The following ASTN2 variants were observed in gnomAD, a reference collection of about 807,000 sequenced individuals.
ASTN2 encodes astrotactin 2, also known as astrotactin-2.
In ASTN2, 54 loss-of-function variants were observed where a neutral mutation model predicts 139.8. That is an observed-to-expected ratio of 0.39 (90% confidence interval 0.31 to 0.48). ASTN2 has a LOEUF of 0.48. Ranked by LOEUF, ASTN2 falls within the 20% of genes least tolerant of loss-of-function variation. The pLI is 0.95. For synonymous variants in ASTN2, 756 were observed against 719.5 expected (o/e 1.05, Z -0.81); for missense variants, 1,565 against 1,725.1 (o/e 0.91, Z 1.64).
intron 11 of ASTN2, among the ~76,000 whole-genome samples, chr9:116,853,650 A>C (rs1470729552): frequency 6.6e-6 from 1 of 152,160 alleles, no homozygotes; most frequent in Non-Finnish European, 1.5e-5. Context: ...TCCTGATCAG[A>C]GACCCTTTAG....
chr9:117,408,153 T>A (rs1313387581), intron 1 of ASTN2, among the ~76,000 whole-genome samples: 1 of 151,898 alleles, frequency 6.6e-6, no homozygotes, highest in Non-Finnish European at 1.5e-5. Context: ...GTAGATTTTT[T>A]TTTTTTGGCA....
chr9:117,182,372 G>A lies in ASTN2; in HGVS notation c.1015+31986C>T, dbSNP rs1191274478. Among the ~76,000 whole-genome samples the A allele has an allele frequency of 5.3e-5, 8 of 151,694 alleles. No individual in the cohort carries two copies. The East Asian group carries it at 1.4e-3, about 26-fold the overall frequency. ...ACACATACCCCACAGATGCACACATGGCATAATGAAAAACTGAAAACACTT... is the reference window on the plus strand; with the variant it reads ...ACACATACCCCACAGATGCACACATAGCATAATGAAAAACTGAAAACACTT... On this transcript the variant is annotated intron_variant, in intron 3 of 22. Transcript: ENST00000313400.
chr9:116,996,715 C>T (rs1837029759), intron 7 of ASTN2, among the ~76,000 whole-genome samples: 1 of 152,104 alleles, frequency 6.6e-6, no homozygotes. Flanking sequence ...CTCTTTACAA[C>T]ATGGCTTTAT....
At chr9:117,349,899 A>G (rs927008360) in intron 1 of ASTN2, among the ~76,000 whole-genome samples, 1 of 152,222 alleles carries the variant, frequency 6.6e-6, no homozygotes, top group African/African-American at 2.4e-5. Context: ...AGAGACTGTC[A>G]CATAACAGAG....
At chr9:117,278,390 C>T (rs1834244731) in intron 2 of ASTN2, among the ~76,000 whole-genome samples, 1 of 152,214 alleles carries the variant, frequency 6.6e-6, no homozygotes, top group African/African-American at 2.4e-5. Context: ...GAAGCAGGCA[C>T]ACACAAACAA....
chr9:117,273,575 C>T (rs1173626859), intron 2 of ASTN2, among the ~76,000 whole-genome samples: 1 of 152,154 alleles, frequency 6.6e-6, no homozygotes, highest in African/African-American at 2.4e-5. Flanking sequence ...TTTACTGATG[C>T]ACAAACAGCA....
chr9:116,988,157 G>A (rs2132546935), intron 7 of ASTN2, among the ~76,000 whole-genome samples: 1 of 152,310 alleles, frequency 6.6e-6, no homozygotes, highest in African/African-American at 2.4e-5. Context: ...CAGTTGTTAG[G>A]GTGGTGAGAG....
At chr9:117,340,494 G>A (rs932024353) in intron 1 of ASTN2, among the ~76,000 whole-genome samples, 1 of 151,954 alleles carries the variant, frequency 6.6e-6, no homozygotes, top group Non-Finnish European at 1.5e-5. Flanking sequence ...ATACATCAAG[G>A]GCTCAATAAT....
intron 1 of ASTN2, among the ~76,000 whole-genome samples, chr9:117,313,958 C>G (rs1260746994): frequency 6.6e-6 from 1 of 152,128 alleles, no homozygotes; most frequent in Non-Finnish European, 1.5e-5. Flanking sequence ...ACTCTCCTTC[C>G]CACTTCTCCC....
intron 13 of ASTN2, among the ~76,000 whole-genome samples, chr9:116,744,615 C>T (rs543167287): frequency 1.1e-4 from 16 of 152,192 alleles, no homozygotes; most frequent in African/African-American, 3.6e-4. Context: ...GCCAACTGCA[C>T]GTGGTGGGGA....
intron 13 of ASTN2, among the ~76,000 whole-genome samples, chr9:116,755,832 A>G (rs764220432): frequency 2.0e-5 from 3 of 152,196 alleles, no homozygotes; most frequent in Admixed American, 6.5e-5. Context: ...CTGAGTACGG[A>G]AGAGGCAGAA....
At chr9:116,649,373 G>C (rs1424873336) in intron 17 of ASTN2, among the ~76,000 whole-genome samples, 2 of 152,068 alleles carry the variant, frequency 1.3e-5, no homozygotes, top group East Asian at 3.9e-4. Flanking sequence ...AGGAGTTCAA[G>C]ACCAGCCTGA....
At chr9:116,829,811 T>A (rs971758540) in intron 11 of ASTN2, among the ~76,000 whole-genome samples, 1 of 152,200 alleles carries the variant, frequency 6.6e-6, no homozygotes, top group Non-Finnish European at 1.5e-5. Context: ...TAAATGGTAC[T>A]GAAAAATTGG....
intron 4 of ASTN2, among the ~76,000 whole-genome samples, chr9:117,125,866 G>T (rs73657660): frequency 6.6e-6 from 1 of 151,812 alleles, no homozygotes; most frequent in Admixed American, 6.6e-5. Context: ...TTAATGAGGC[G>T]AGGGGTTTGT....
At position 117,310,053 on chromosome 9, in the gene ASTN2, G is replaced by C. The variant is rs1311892333; in HGVS notation, c.443-18540C>G. Among the ~76,000 whole-genome samples the C allele has an allele frequency of 7.9e-5, 12 of 152,260 alleles. No homozygotes were observed. In the East Asian group the frequency reaches 2.3e-3, roughly 29 times the overall value. On this transcript the variant is annotated intron_variant, in intron 1 of 22. Transcript: ENST00000313400. Reference sequence around the variant, plus strand: ...AATGGGGTAAATAATGGGGTAACTTGACAGGGTGTGCAGCCAATACTGTCT... The same window carrying C: ...AATGGGGTAAATAATGGGGTAACTTCACAGGGTGTGCAGCCAATACTGTCT...
intron 11 of ASTN2, among the ~76,000 whole-genome samples, chr9:116,855,022 G>C (rs1177697027): frequency 6.6e-6 from 1 of 151,980 alleles, no homozygotes; most frequent in African/African-American, 2.4e-5. Context: ...TTTGGAAAAA[G>C]GGGGGCTGCT....
At chr9:116,944,892 G>A (rs2132475706) in intron 10 of ASTN2, among the ~76,000 whole-genome samples, 1 of 152,198 alleles carries the variant, frequency 6.6e-6, no homozygotes, top group Non-Finnish European at 1.5e-5. Context: ...AAAAGAAGCA[G>A]AAAAGCATGA....
intron 13 of ASTN2, among the ~76,000 whole-genome samples, chr9:116,765,038 A>G (rs1829770201): frequency 1.3e-5 from 2 of 152,194 alleles, no homozygotes; most frequent in African/African-American, 4.8e-5. Flanking sequence ...TCTTTGAGAG[A>G]CGCTGTGTGA....
chr9:117,158,518 A>T (rs1830478319), intron 3 of ASTN2, among the ~76,000 whole-genome samples: 1 of 152,046 alleles, frequency 6.6e-6, no homozygotes, highest in African/African-American at 2.4e-5. Flanking sequence ...CCTTACTATG[A>T]TCAACTTGTC....
Sources: allele counts gnomAD v4.1 joint callset (sites outside exome capture counted in the v4.1 genomes callset), GRCh38; gene constraint gnomAD v4.1.1; transcripts MANE v1.5; gene names NCBI Gene and HGNC (gene_info 2026-07-23, HGNC 2026-07-21).